PRKN: variants seen among roughly 807,000 people sequenced by gnomAD.
PRKN encodes E3 ubiquitin-protein ligase parkin.
Under a neutral mutation model 59.5 loss-of-function variants are expected in PRKN, and 56 were observed. The ratio of observed to expected loss-of-function variants is 0.94; its 90% CI spans 0.76 to 1.18. PRKN has a LOEUF of 1.18. Among genes scored for constraint, PRKN ranks in the 50% most tolerant of loss-of-function variants. The pLI is 0.00. For synonymous variants in PRKN, 250 were observed against 222.1 expected, an observed-to-expected ratio of 1.13 and a Z score of -1.12; for missense variants, 657 against 596.4, an observed-to-expected ratio of 1.10 and a Z score of -1.06.
At chr6:161,899,273 T>G (rs541346111) in intron 6 of PRKN, among the ~76,000 whole-genome samples, 4 of 152,348 alleles carry the variant, frequency 2.6e-5, no homozygotes, top group African/African-American at 9.6e-5. Flanking sequence ...CATCTTTCAG[T>G]ATGTTCCGAT....
chr6:161,758,695 C>T (rs1789056396), intron 7 of PRKN, among the ~76,000 whole-genome samples: 1 of 152,026 alleles, frequency 6.6e-6, no homozygotes, highest in Non-Finnish European at 1.5e-5. Flanking sequence ...CCAACATTAG[C>T]CATTTAATTA....
At chr6:162,013,615 A>G (rs1782820367) in intron 5 of PRKN, among the ~76,000 whole-genome samples, 1 of 152,160 alleles carries the variant, frequency 6.6e-6, no homozygotes, top group South Asian at 2.1e-4. Context: ...TGTGATTCCA[A>G]TCAAGCATCA....
Position 161,442,350 on chromosome 6 carries a change from GT to G in PRKN, c.1084-55474del, listed in dbSNP as rs1789275458. On this transcript the variant is annotated intron_variant, in intron 9 of 11. Transcript: ENST00000366898. This position sits in a 1 kb window ranked among gnomAD's most constrained non-coding sequence, Gnocchi z 4.6. ...GCACAAAAAATACACCATGAAATGA[GT>G]TTAAAGTCCTTAATCTTGAAGGCTA... is the stretch of plus-strand genomic sequence containing the variant. 6.6e-6 allele frequency among the ~76,000 whole-genome samples: 1 copy of G among 152,168 alleles called. No homozygotes were observed. Among genetic ancestry groups the G allele is most frequent in the African/African-American group, 2.4e-5 (1 of 41,436 alleles).
chr6:162,327,939 G>A (rs1483256293), intron 2 of PRKN, among the ~76,000 whole-genome samples: 1 of 152,090 alleles, frequency 6.6e-6, no homozygotes, highest in Non-Finnish European at 1.5e-5. Context: ...CTACAAACAG[G>A]TCTGCGGGCT....
chr6:162,275,450 T>A (rs892436406), intron 2 of PRKN: 1 of 152,176 alleles, frequency 6.6e-6, no homozygotes, highest in Non-Finnish European at 1.5e-5. Context: ...AAGTTGACTC[T>A]AGCAATGAAT....
chr6:161,648,745 T>G (rs1784046309), intron 7 of PRKN, among the ~76,000 whole-genome samples: 1 of 152,186 alleles, frequency 6.6e-6, no homozygotes. Flanking sequence ...ATCAACAGCA[T>G]AATTCTTTGT....
At chr6:161,602,776 G>A (rs1782152659) in intron 7 of PRKN, among the ~76,000 whole-genome samples, 1 of 152,144 alleles carries the variant, frequency 6.6e-6, no homozygotes, top group African/African-American at 2.4e-5. Context: ...AACTTATTAG[G>A]CCAATACTAA....
At chr6:162,409,926 C>T (rs1788268434) in intron 2 of PRKN, among the ~76,000 whole-genome samples, 1 of 152,168 alleles carries the variant, frequency 6.6e-6, no homozygotes, top group African/African-American at 2.4e-5. Flanking sequence ...TATGTGCAAC[C>T]ATGCTGTTTA....
intron 7 of PRKN, among the ~76,000 whole-genome samples, chr6:161,666,921 C>T (rs1168589218): frequency 6.6e-6 from 1 of 152,174 alleles, no homozygotes; most frequent in Non-Finnish European, 1.5e-5. Flanking sequence ...GGTGGACCTT[C>T]ATGTAATGGG....
At chr6:162,020,682 T>G (rs1197352613) in intron 5 of PRKN, among the ~76,000 whole-genome samples, 1 of 152,184 alleles carries the variant, frequency 6.6e-6, no homozygotes, top group African/African-American at 2.4e-5. Context: ...ACAGTTAATA[T>G]GTAGTGGAAT....
chr6:162,048,571 A>G (rs980889179), intron 5 of PRKN, among the ~76,000 whole-genome samples: 1 of 152,082 alleles, frequency 6.6e-6, no homozygotes, highest in Admixed American at 6.5e-5. Context: ...AGAAACACAC[A>G]TCCCCCAGTA....
chr6:161,771,371 A>G (rs987162381), intron 7 of PRKN, among the ~76,000 whole-genome samples: 2 of 129,984 alleles, frequency 1.5e-5, no homozygotes, highest in African/African-American at 2.8e-5. Flanking sequence ...AAAAAAAAAA[A>G]TAAAATAAAA....
chr6:161,403,370 T>A (rs1236631924), intron 9 of PRKN, among the ~76,000 whole-genome samples: 1 of 152,208 alleles, frequency 6.6e-6, no homozygotes, highest in African/African-American at 2.4e-5. Context: ...TCTAACTCCT[T>A]ATTCTTTGAA....
At chr6:162,181,676 A>C (rs1252931861) in intron 4 of PRKN, among the ~76,000 whole-genome samples, 2 of 152,180 alleles carry the variant, frequency 1.3e-5, no homozygotes, top group African/African-American at 4.8e-5. Context: ...TCAGGGAAAG[A>C]AACTAAGAAT....
chr6:161,721,067 C>T (rs1787200915), intron 7 of PRKN, among the ~76,000 whole-genome samples: 1 of 152,176 alleles, frequency 6.6e-6, no homozygotes, highest in African/African-American at 2.4e-5. Context: ...GAAGGTGCGA[C>T]ATAACATCCG....
chr6:161,957,428 G>GT (rs1173230705), intron 6 of PRKN, among the ~76,000 whole-genome samples: 1 of 99,556 alleles, frequency 1.0e-5, no homozygotes, highest in East Asian at 2.7e-4. Context: ...TTGTTTGTTT[G>GT]TTTGTTTGTT....
intron 6 of PRKN, among the ~76,000 whole-genome samples, chr6:161,873,966 A>T (rs1190710909): frequency 2.9e-5 from 2 of 70,012 alleles, no homozygotes; most frequent in African/African-American, 1.0e-4. Flanking sequence ...TATATGTAAA[A>T]TATAATATAT....
At chr6:162,663,875 C>A (rs1019505889) in intron 1 of PRKN, among the ~76,000 whole-genome samples, 3 of 150,710 alleles carry the variant, frequency 2.0e-5, no homozygotes, top group African/African-American at 7.3e-5. Context: ...CCCCACAATA[C>A]TTTTTTTTTC....
intron 6 of PRKN, among the ~76,000 whole-genome samples, chr6:161,874,986 T>A (rs1449697565): frequency 2.8e-5 from 2 of 70,198 alleles, no homozygotes; most frequent in African/African-American, 7.8e-5. Context: ...TTATATTATA[T>A]ACTTTATATA....
Sources: gnomAD v4.1 joint callset for allele counts (sites outside exome capture counted in the v4.1 genomes callset) on GRCh38, gnomAD v4.1.1 for gene constraint, Gnocchi (gnomAD v3.1) non-coding constraint, MANE v1.5 for transcripts, NCBI Gene and HGNC (gene_info 2026-07-23, HGNC 2026-07-21) for gene names.